The following MGLL variants were observed in gnomAD, a reference collection of about 807,000 sequenced individuals.
MGLL encodes the protein lysophospholipase homolog.
MGLL carries 7 observed loss-of-function variants against 29.1 expected under a neutral mutation model. The ratio of observed to expected loss-of-function variants is 0.24; its 90% confidence interval spans 0.14 to 0.45. The LOEUF is 0.45. Among genes scored for constraint, MGLL ranks in the 20% least tolerant of loss-of-function variants. MGLL has a pLI of 0.99. For synonymous variants in MGLL, 148 were observed against 168.3 expected (o/e 0.88, Z 0.93); for missense variants, 356 against 413.6 (o/e 0.86, Z 1.21).
intron 7 of MGLL, among the ~76,000 whole-genome samples, chr3:127,692,917 C>T (rs905054651): frequency 3.3e-5 from 5 of 152,240 alleles, no homozygotes; most frequent in Admixed American, 2.6e-4. Flanking sequence ...CCTCTGCAGG[C>T]GGCTGGACTA....
intron 2 of MGLL, 106 bp from the exon 3 acceptor site, chr3:127,782,001 G>C (rs2077136096): frequency 1.0e-6 from 1 of 1,002,822 alleles, no homozygotes; most frequent in African/African-American, 1.6e-5. Context: ...CGGGCGGATT[G>C]CCTGAGCTCA....
intron 3 of MGLL, among the ~76,000 whole-genome samples, chr3:127,732,583 G>C (rs1240683989): frequency 6.6e-6 from 1 of 152,252 alleles, no homozygotes; most frequent in African/African-American, 2.4e-5. Flanking sequence ...CCAGACCCCA[G>C]GGCTTGTGCC....
At chr3:127,814,965 A>C (rs1050214147) in intron 2 of MGLL, among the ~76,000 whole-genome samples, 1 of 152,244 alleles carries the variant, frequency 6.6e-6, no homozygotes, top group African/African-American at 2.4e-5. Context: ...ACTAAAAATA[A>C]TGTCATTGCT....
chr3:127,716,201 T>C (rs2075812380), intron 5 of MGLL, among the ~76,000 whole-genome samples: 1 of 152,198 alleles, frequency 6.6e-6, no homozygotes, highest in Non-Finnish European at 1.5e-5. Context: ...AGAAACCAGA[T>C]TTGGAGACGC....
Position 127,715,883 on chromosome 3 carries a change from C to T in MGLL, c.510+5170G>A, listed in dbSNP as rs147274934. The T allele has an allele frequency of 5.3e-4, 242 of 453,682 alleles. 2 individuals are homozygous for T. Among genetic ancestry groups the T allele is most frequent in the African/African-American group, 4.3e-3 (218 of 50,130 alleles). 28.1% of individuals were successfully genotyped at this position (453,682 alleles called of 1,614,324 possible). A position where few individuals can be genotyped will look rare whatever the true frequency, so the allele number is the denominator to read the frequency against. On this transcript the variant is annotated intron_variant, in intron 5 of 7. Transcript: ENST00000265052. ...AAGGACGTGGAATCCAAAACTTTAA[C>T]ATTCTTGATGCCTTTTCCATCAAGT... is the stretch of plus-strand genomic sequence containing the variant.
chr3:127,750,076 C>A (rs2107667976), intron 3 of MGLL, among the ~76,000 whole-genome samples: 1 of 152,144 alleles, frequency 6.6e-6, no homozygotes, highest in African/African-American at 2.4e-5. Flanking sequence ...GTGGGAGACA[C>A]AGGTGGTGGG....
chr3:127,690,575 C>G lies in MGLL; in HGVS notation c.*1623G>C, dbSNP rs561988889. On this transcript the variant is annotated 3_prime_UTR_variant, in exon 8 of 8. Transcript: ENST00000265052. The stretch of plus-strand genomic sequence containing the variant: ...GCTGGAGGAAGAAGGGCGGGAGCCC[C>G]TGAGGCCTAGACTTCATGTTGGGGG... 25 of 152,982 alleles carry G rather than the reference C, an allele frequency of 1.6e-4. No homozygotes were observed. The highest frequency in any genetic ancestry group is 4.1e-4 in the African/African-American group (17 of 41,600). The allele number at this position is 152,982 out of a possible 1,614,324, so 9.5% of individuals were successfully genotyped here.
chr3:127,810,879 A>AG, intron 2 of MGLL, among the ~76,000 whole-genome samples: 2 of 150,068 alleles, frequency 1.3e-5, no homozygotes, highest in African/African-American at 5.1e-5. Context: ...TGACATCCAC[A>AG]GCAACTTCTG....
intron 7 of MGLL, among the ~76,000 whole-genome samples, chr3:127,692,535 A>C (rs1335445345): frequency 6.6e-6 from 1 of 152,140 alleles, no homozygotes; most frequent in Non-Finnish European, 1.5e-5. Context: ...GTGTTCTCGA[A>C]CTTCCTTTCT....
At chr3:127,773,759 G>A (rs1458842576) in intron 3 of MGLL, among the ~76,000 whole-genome samples, 2 of 152,162 alleles carry the variant, frequency 1.3e-5, no homozygotes, top group East Asian at 3.9e-4. Flanking sequence ...GGAGACTCAG[G>A]CTCGCCACTG....
chr3:127,817,108 G>A (rs561105743), intron 2 of MGLL, among the ~76,000 whole-genome samples: 13 of 152,346 alleles, frequency 8.5e-5, no homozygotes, highest in Admixed American at 2.6e-4. Context: ...CCACGTGACC[G>A]AGGTCTGAGG....
intron 3 of MGLL, among the ~76,000 whole-genome samples, chr3:127,781,003 C>T (rs1038287610): frequency 7.2e-5 from 11 of 152,296 alleles, no homozygotes; most frequent in African/African-American, 2.6e-4. Flanking sequence ...CCGACTCAGA[C>T]AATGAACATT....
At chr3:127,815,637 T>C (rs1169089033) in intron 2 of MGLL, among the ~76,000 whole-genome samples, 1 of 152,190 alleles carries the variant, frequency 6.6e-6, no homozygotes, top group Non-Finnish European at 1.5e-5. Flanking sequence ...CTCCCCCACG[T>C]GCCCTTTCCG....
intron 3 of MGLL, among the ~76,000 whole-genome samples, chr3:127,749,881 C>G (rs73861706): frequency 0.011 from 1,664 of 152,264 alleles, 24 homozygotes; most frequent in African/African-American, 0.037. Context: ...ACAGAGCAAG[C>G]CATTCAGACA....
intron 3 of MGLL, among the ~76,000 whole-genome samples, chr3:127,759,308 C>G (rs111620653): frequency 1.1e-4 from 16 of 152,174 alleles, no homozygotes; most frequent in African/African-American, 3.6e-4. Flanking sequence ...CAGAGTCAGG[C>G]GGCTCTCAAC....
Position 127,692,115 on chromosome 3 carries a change from TG to T in MGLL, c.*82del, listed in dbSNP as rs377758577. ...TCTGATTTTTTTTTTTTTTTTTTTT[TG>T]GCAAGCCATATCTGAGAAGCCATCT... On this transcript the variant is annotated 3_prime_UTR_variant, in exon 8 of 8. Coordinates refer to ENST00000265052, the MANE Select transcript of MGLL (RefSeq NM_007283.7). 0.082 allele frequency: 40,028 copies of T among 486,020 alleles called. 2,704 individuals are homozygous for T. Among genetic ancestry groups the T allele is most frequent in the African/African-American group, 0.22 (8,013 of 37,182 alleles). The allele number at this position is 486,020 out of a possible 1,614,324, so 30.1% of individuals were successfully genotyped here.
In MGLL at chr3:127,692,361, T is replaced by C. The variant is rs183519961; in HGVS notation, c.817-38A>G. ...GAGACACGGAATCAGAGCTGCACCA[T>C]CAGAGGCAGGTGCAGGGAGCGGAGA... On this transcript the variant is annotated intron_variant, in intron 7 of 7. Coordinates refer to ENST00000265052, the MANE Select transcript of MGLL (RefSeq NM_007283.7). 1.2e-3 allele frequency: 2,015 copies of C among 1,613,062 alleles called. 6 individuals are homozygous for C. Among genetic ancestry groups the C allele is most frequent in the Non-Finnish European group, 1.6e-3 (1,894 of 1,179,560 alleles).
At chr3:127,789,314 G>A (rs921411276) in intron 2 of MGLL, among the ~76,000 whole-genome samples, 1 of 152,226 alleles carries the variant, frequency 6.6e-6, no homozygotes, top group African/African-American at 2.4e-5. Flanking sequence ...AAAGGCCCGG[G>A]ACCCATCTAC....
chr3:127,798,089 T>C (rs1206865051), intron 2 of MGLL, among the ~76,000 whole-genome samples: 1 of 152,128 alleles, frequency 6.6e-6, no homozygotes, highest in Non-Finnish European at 1.5e-5. Context: ...GGTCAAATAA[T>C]CATAACAGGT....
Sources: gnomAD v4.1 joint callset for allele counts (sites outside exome capture counted in the v4.1 genomes callset) on GRCh38, gnomAD v4.1.1 for gene constraint, MANE v1.5 for transcripts, NCBI Gene and HGNC (gene_info 2026-07-23, HGNC 2026-07-21) for gene names.